Variants in ZFAND3 observed in about 807,000 individuals in gnomAD.
ZFAND3 encodes the protein AN1-type zinc finger protein 3.
ZFAND3 carries 10 observed loss-of-function variants against 29.6 expected under a neutral mutation model. The observed-to-expected ratio is 0.34, with a 90% confidence interval of 0.21 to 0.57. The LOEUF is 0.57. Ranked by LOEUF, ZFAND3 falls within the 20% of genes least tolerant of loss-of-function variation. The pLI, the probability that ZFAND3 is intolerant of heterozygous loss-of-function variation, is 0.86. For missense variants in ZFAND3, 230 were observed against 304.5 expected, an observed-to-expected ratio of 0.76 and a Z score of 1.82; for synonymous variants, 128 against 112.6, an observed-to-expected ratio of 1.14 and a Z score of -0.87.
intron 2 of ZFAND3, among the ~76,000 whole-genome samples, chr6:38,044,968 C>T (rs1373245358): frequency 6.6e-6 from 1 of 152,066 alleles, no homozygotes; most frequent in Non-Finnish European, 1.5e-5. Context: ...TCAACTCCTC[C>T]TGTTTTTAGA....
chr6:37,832,857 C>T (rs1286916441), intron 1 of ZFAND3: 2 of 148,476 alleles, frequency 1.3e-5, no homozygotes, highest in East Asian at 3.9e-4. Context: ...TAAAGTTTTT[C>T]TTTTTTTTTT....
At chr6:37,867,997 A>G (rs1764619701) in intron 1 of ZFAND3, among the ~76,000 whole-genome samples, 1 of 152,228 alleles carries the variant, frequency 6.6e-6, no homozygotes, top group Non-Finnish European at 1.5e-5. Context: ...TGTTAAGACC[A>G]GTGAGAGATA....
chr6:38,144,233 T>TATATATAATATATAATATATATATATATA, intron 5 of ZFAND3, among the ~76,000 whole-genome samples: 1 of 59,682 alleles, frequency 1.7e-5, no homozygotes, highest in South Asian at 4.5e-4. Context: ...ATATATATAT[T>TATATATAATATATAATATATATATATATA]TTTTTTTTAA....
At chr6:37,930,761 A>G (rs1761579845) in intron 2 of ZFAND3, among the ~76,000 whole-genome samples, 1 of 152,182 alleles carries the variant, frequency 6.6e-6, no homozygotes, top group Non-Finnish European at 1.5e-5. Context: ...CTTTCTATCT[A>G]GCGATCCTAT....
chr6:37,896,554 C>CTTTCTTTCTTTCTTTTCT (rs1554153846), intron 1 of ZFAND3, among the ~76,000 whole-genome samples: 2 of 137,698 alleles, frequency 1.5e-5, no homozygotes, highest in African/African-American at 5.6e-5. Flanking sequence ...TTCTTTCTTT[C>CTTTCTTTCTTTCTTTTCT]TTTCTTTCTT....
chr6:38,036,770 A>C (rs1451945800), intron 2 of ZFAND3, among the ~76,000 whole-genome samples: 1 of 152,150 alleles, frequency 6.6e-6, no homozygotes, highest in Non-Finnish European at 1.5e-5. Context: ...TTTTATTAAA[A>C]ATCTTTTTCT....
intron 2 of ZFAND3, among the ~76,000 whole-genome samples, chr6:38,039,585 C>G (rs187630800): frequency 2.0e-5 from 3 of 152,094 alleles, no homozygotes; most frequent in Middle Eastern, 3.4e-3. Context: ...TACATAAAAA[C>G]GAATTGAGGA....
At chr6:37,919,648 C>T (rs1237965477) in intron 1 of ZFAND3, among the ~76,000 whole-genome samples, 7 of 152,124 alleles carry the variant, frequency 4.6e-5, no homozygotes, top group Non-Finnish European at 8.8e-5. Context: ...ATCATCTTGA[C>T]GTCATTTATG....
At chr6:38,068,146 C>T (rs1764381943) in intron 3 of ZFAND3, among the ~76,000 whole-genome samples, 1 of 152,206 alleles carries the variant, frequency 6.6e-6, no homozygotes, top group Admixed American at 6.5e-5. Flanking sequence ...GCAACCAGCT[C>T]TTACATAAAA....
chr6:38,049,217 T>C (rs190706440), intron 2 of ZFAND3, among the ~76,000 whole-genome samples: 60 of 152,334 alleles, frequency 3.9e-4, no homozygotes, highest in African/African-American at 1.3e-3. Flanking sequence ...TCGCTATAAT[T>C]CATACCAGAG....
chr6:37,844,754 C>G (rs1764146385), intron 1 of ZFAND3, among the ~76,000 whole-genome samples: 1 of 151,542 alleles, frequency 6.6e-6, no homozygotes, highest in East Asian at 1.9e-4. Flanking sequence ...GTGGCTTACT[C>G]CTGTAATCCC....
At chr6:38,020,654 C>A (rs529333626) in intron 2 of ZFAND3, among the ~76,000 whole-genome samples, 2 of 152,256 alleles carry the variant, frequency 1.3e-5, no homozygotes, top group Non-Finnish European at 2.9e-5. Flanking sequence ...CCTTATTTTG[C>A]CTCTCTCCCC....
intron 1 of ZFAND3, among the ~76,000 whole-genome samples, chr6:37,869,117 A>G (rs1275547680): frequency 2.6e-5 from 4 of 152,142 alleles, no homozygotes. Context: ...AGTTCATTGT[A>G]TCGTTCATTT....
intron 1 of ZFAND3, among the ~76,000 whole-genome samples, chr6:37,823,017 G>A (rs1763694764): frequency 6.6e-6 from 1 of 152,196 alleles, no homozygotes; most frequent in African/African-American, 2.4e-5. Flanking sequence ...CCTGAGTGCA[G>A]TGAGGAGCTA....
intron 4 of ZFAND3, among the ~76,000 whole-genome samples, chr6:38,097,586 T>G (rs1336195943): frequency 6.6e-6 from 1 of 152,198 alleles, no homozygotes; most frequent in Non-Finnish European, 1.5e-5. Context: ...GATCATCCAG[T>G]TGCTTTGAAG....
At chr6:37,871,069 C>T (rs1764687472) in intron 1 of ZFAND3, among the ~76,000 whole-genome samples, 1 of 152,130 alleles carries the variant, frequency 6.6e-6, no homozygotes, top group Admixed American at 6.5e-5. Context: ...ATATTTTTCT[C>T]TGCCCCATTC....
intron 1 of ZFAND3, among the ~76,000 whole-genome samples, chr6:37,893,651 G>T (rs2015800): frequency 0.63 from 96,370 of 151,910 alleles, 31,323 homozygotes; most frequent in African/African-American, 0.75. Flanking sequence ...CCTCCCAGGT[G>T]CTAGCGATTC....
chr6:37,986,231 T>C (rs1762669693), intron 2 of ZFAND3, among the ~76,000 whole-genome samples: 1 of 152,210 alleles, frequency 6.6e-6, no homozygotes, highest in Non-Finnish European at 1.5e-5. Context: ...GCAGGTATCC[T>C]TGAGTTTGCC....
chr6:37,909,825 A>T (rs1765489093), intron 1 of ZFAND3, among the ~76,000 whole-genome samples: 1 of 152,146 alleles, frequency 6.6e-6, no homozygotes, highest in Non-Finnish European at 1.5e-5. Flanking sequence ...TCAGTAATTA[A>T]TGTGAAGCTC....
Sources: gnomAD v4.1 joint callset for allele counts (sites outside exome capture counted in the v4.1 genomes callset) on GRCh38, gnomAD v4.1.1 for gene constraint, MANE v1.5 for transcripts, NCBI Gene and HGNC (gene_info 2026-07-23, HGNC 2026-07-21) for gene names.